The following EML2 variants were observed in gnomAD, a reference collection of about 807,000 sequenced individuals.
EML2 encodes EMAP like 2.
A neutral mutation model predicts 84.7 loss-of-function variants in EML2; 59 were observed. The observed-to-expected ratio is 0.70, with a 90% CI of 0.56 to 0.86. The LOEUF (loss-of-function observed/expected upper bound fraction) is 0.86, where lower values mean the gene tolerates loss of function less well. Among genes scored for constraint, EML2 ranks in the 40% least tolerant of loss-of-function variants. The pLI is 0.00. For synonymous variants in EML2, 352 were observed against 348.9 expected (o/e 1.01, Z -0.10); for missense variants, 818 against 855.6 (o/e 0.96, Z 0.55).
At chr19:45,616,373 A>AG in intron 15 of EML2, 88 bp downstream of exon 15, 1 of 974,676 alleles carries the variant, frequency 1.0e-6, no homozygotes, top group Admixed American at 2.3e-5. Context: ...TGAGTGTTGA[A>AG]GCTGCGCTCC....
At chr19:45,612,888 C>CT (rs35806359) in intron 18 of EML2, among the ~76,000 whole-genome samples, 54,489 of 149,098 alleles carry the variant, frequency 0.37, 10,720 homozygotes, top group African/African-American at 0.53. Flanking sequence ...TAACGTCCAG[C>CT]TTTTTTTTTT....
At chr19:45,626,562 G>T (rs1470490840) in intron 8 of EML2, 143 bp downstream of exon 8, 1 of 944,722 alleles carries the variant, frequency 1.1e-6, no homozygotes, top group African/African-American at 1.6e-5. Context: ...TATGGAGAAA[G>T]AAACTGAGGC....
At chr19:45,618,515 C>A (rs139398913) in intron 12 of EML2, among the ~76,000 whole-genome samples, 9 of 152,198 alleles carry the variant, frequency 5.9e-5, no homozygotes, top group Middle Eastern at 3.4e-3. Context: ...CTGACTCCCC[C>A]CTCCTCATGG....
intron 18 of EML2, among the ~76,000 whole-genome samples, chr19:45,611,047 T>C (rs1970441769): frequency 6.6e-6 from 1 of 152,146 alleles, no homozygotes; most frequent in South Asian, 2.1e-4. Flanking sequence ...AATATGAATA[T>C]GTACTGGCTA....
At chr19:45,612,992 G>C (rs2122595539) in intron 18 of EML2, among the ~76,000 whole-genome samples, 1 of 152,096 alleles carries the variant, frequency 6.6e-6, no homozygotes, top group East Asian at 1.9e-4. Flanking sequence ...CAACCTCCTG[G>C]GCTCAAGCAA....
chr19:45,631,903 T>TC (rs1973083569), intron 6 of EML2, among the ~76,000 whole-genome samples: 3 of 145,100 alleles, frequency 2.1e-5, no homozygotes, highest in African/African-American at 7.6e-5. Context: ...TTTTTTTTTT[T>TC]TTTTTTTAGT....
At position 45,609,615 on chromosome 19, in the gene EML2, C is replaced by A; in HGVS notation, c.*48G>T. On this transcript the variant is annotated 3_prime_UTR_variant, in exon 19 of 19. Transcript: ENST00000245925. ...TTACTCTACTCGGCAATAGACATCT[C>A]CCGAAAATAGAATTCCTGCCCTGAC... The A allele has an allele frequency of 6.4e-7, 1 of 1,560,068 alleles. No individual in the cohort carries two copies. Among genetic ancestry groups the A allele is most frequent in the Non-Finnish European group, 8.7e-7 (1 of 1,152,232 alleles).
rs763326087 is a variant in EML2 at position 45,613,593 on chromosome 19, G to C, written c.1772C>G (p.Ala591Gly). 1 of 1,614,130 alleles carries C rather than the reference G, an allele frequency of 6.2e-7. No individual in the cohort carries two copies. Among genetic ancestry groups the C allele is most frequent in the South Asian group, 1.1e-5 (1 of 91,082 alleles). Residue 591 changes from alanine to glycine, a missense_variant, in exon 18 of 19, where the codon GCT becomes GGT. By Grantham distance (60) the Ala-to-Gly change is moderately conservative. Coordinates refer to ENST00000245925, the MANE Select transcript of EML2 (RefSeq NM_012155.4). ...RSHDGKLLAS[A>G]DDFGKVHLFS... ...CAGGTGAACTTTGCCAAAGTCATCA[G>C]CTGAAGCCAGCAACTTCCCATCATG...
At chr19:45,623,688 T>C in intron 9 of EML2, among the ~76,000 whole-genome samples, 1 of 151,954 alleles carries the variant, frequency 6.6e-6, no homozygotes, top group East Asian at 1.9e-4. Context: ...CTAGCTGGGA[T>C]TACAGGTGCT....
rs1463363063 is a variant in EML2 at position 45,609,678 on chromosome 19, C to T, written c.1935G>A (p.Gln645=). 4 of 1,608,932 alleles carry T rather than the reference C, an allele frequency of 2.5e-6. No individual in the cohort carries two copies. In the South Asian group the frequency reaches 4.4e-5, roughly 18 times the overall value. ...CCTGGCCGCATCAGACCACCCGCCA[C>T]TGTAGCACACTGGTGTCCTTGCCCC... is the stretch of plus-strand genomic sequence containing the variant. ...TTGGKDTSVL[Q]WRVV Residue 645 remains glutamine, a synonymous_variant, in exon 19 of 19, where the codon CAG becomes CAA. Transcript: ENST00000245925.
chr19:45,632,354 G>T (rs2122752139), intron 6 of EML2, among the ~76,000 whole-genome samples: 1 of 151,558 alleles, frequency 6.6e-6, no homozygotes, highest in East Asian at 2.0e-4. Flanking sequence ...TTTTTGTACT[G>T]TTTTTGGTAG....
upstream of EML2, chr19:45,645,059 T>C: frequency 1.6e-6 from 1 of 614,472 alleles, no homozygotes; most frequent in Non-Finnish European, 2.8e-6. Context: ...TCTAGCCACC[T>C]CGGGAGTACA....
chr19:45,645,494 T>A, upstream of EML2: 1 of 1,379,152 alleles, frequency 7.3e-7, no homozygotes, highest in Non-Finnish European at 9.4e-7. Context: ...GGCCCGGCGC[T>A]GGGGTCATCC....
intron 18 of EML2, among the ~76,000 whole-genome samples, chr19:45,611,691 T>C (rs1244132725): frequency 6.6e-6 from 1 of 152,108 alleles, no homozygotes; most frequent in African/African-American, 2.4e-5. Flanking sequence ...TTTCACCATG[T>C]TGGCCAGGCT....
At position 45,613,435 on chromosome 19, in the gene EML2, G is replaced by A. The variant is rs1016988216; in HGVS notation, c.1824+106C>T. The A allele has an allele frequency of 2.9e-6, 4 of 1,395,634 alleles. No homozygotes were observed. In the Admixed American group the frequency reaches 5.8e-5, roughly 20 times the overall value. 86.5% of individuals were successfully genotyped at this position (1,395,634 alleles called of 1,614,324 possible). ...CTACTGTCCTCCTTGTACAGATGGG[G>A]AAACCGAGGCTCAGAGAAGGGGTGG... On this transcript the variant is annotated intron_variant, in intron 18 of 18. Transcript: ENST00000245925.
chr19:45,619,924 A>C (rs1430618115), intron 11 of EML2, among the ~76,000 whole-genome samples: 8 of 151,880 alleles, frequency 5.3e-5, no homozygotes, highest in Non-Finnish European at 1.2e-4. Flanking sequence ...GGTGGTGCAC[A>C]CTTGTAGCCC....
In EML2 at chr19:45,638,687, C is replaced by T. The variant is rs1015616301; in HGVS notation, c.50-53G>A. The stretch of plus-strand genomic sequence containing the variant: ...ACTGACACCAGCCCCATCCCTATTC[C>T]CTCTCCTCTTCCAGCTTTATTTATT... On this transcript the variant is annotated intron_variant, in intron 2 of 18. Coordinates refer to ENST00000245925, the MANE Select transcript of EML2 (RefSeq NM_012155.4). 13 of 1,595,402 alleles carry T rather than the reference C, an allele frequency of 8.1e-6. No individual in the cohort carries two copies. In the African/African-American group the frequency reaches 1.8e-4, roughly 22 times the overall value.
At chr19:45,617,582 TC>T in intron 13 of EML2, 47 bp downstream of exon 13, 1 of 1,544,482 alleles carries the variant, frequency 6.5e-7, no homozygotes. Context: ...AAGGGCCAGT[TC>T]CCCAGGGAGC....
At chr19:45,610,576 G>T (rs2122577513) in intron 18 of EML2, among the ~76,000 whole-genome samples, 1 of 152,242 alleles carries the variant, frequency 6.6e-6, no homozygotes, top group Non-Finnish European at 1.5e-5. Flanking sequence ...GGTGGCTCAT[G>T]CTTATAATCC....
Sources: allele counts gnomAD v4.1 joint callset (sites outside exome capture counted in the v4.1 genomes callset), GRCh38; gene constraint gnomAD v4.1.1; transcripts MANE v1.5; gene names NCBI Gene and HGNC (gene_info 2026-07-23, HGNC 2026-07-21).